Variants in RHPN2 observed in about 807,000 individuals in gnomAD.
RHPN2 encodes rhophilin Rho GTPase binding protein 2, also known as rhophilin-2.
RHPN2 carries 40 observed loss-of-function variants against 79.0 expected under a neutral mutation model. The ratio of observed to expected loss-of-function variants is 0.51; its 90% confidence interval spans 0.39 to 0.66. The LOEUF (loss-of-function observed/expected upper bound fraction) is 0.66. Among genes scored for constraint, RHPN2 ranks in the 30% least tolerant of loss-of-function variants. RHPN2 has a pLI of 0.00. For synonymous variants in RHPN2, 285 were observed against 363.5 expected, an observed-to-expected ratio of 0.78 and a Z score of 2.46; for missense variants, 686 against 883.5, an observed-to-expected ratio of 0.78 and a Z score of 2.83.
intron 12 of RHPN2, among the ~76,000 whole-genome samples, chr19:32,992,857 G>C (rs1317676472): frequency 6.6e-6 from 1 of 150,722 alleles, no homozygotes; most frequent in Admixed American, 6.6e-5. Flanking sequence ...GCCAGGCACA[G>C]TGGCTCATAC....
intron 7 of RHPN2, 151 bp downstream of exon 7, chr19:33,007,863 G>C (rs529086493): frequency 9.4e-6 from 8 of 854,288 alleles, no homozygotes; most frequent in Admixed American, 5.0e-5. Flanking sequence ...GCGCCCGGCC[G>C]GAGCAAGTTT....
In RHPN2 at chr19:32,979,977, AC is replaced by A. The variant is rs1420478047; in HGVS notation, c.*18del. 6.2e-7 allele frequency: 1 copy of A among 1,613,868 alleles called. No homozygotes were observed. The highest frequency in any genetic ancestry group is 8.5e-7 in the Non-Finnish European group (1 of 1,179,782). On this transcript the variant is annotated 3_prime_UTR_variant, in exon 15 of 15. Coordinates refer to ENST00000254260, the MANE Select transcript of RHPN2 (RefSeq NM_033103.5). The stretch of plus-strand genomic sequence containing the variant: ...AGCACCGGAAATGTTCAGGGCCTGA[AC>A]ATGTTTGTTTCCTCACATTAGTACC...
chr19:33,019,904 C>A (rs1971909655), intron 4 of RHPN2, among the ~76,000 whole-genome samples: 1 of 152,200 alleles, frequency 6.6e-6, no homozygotes, highest in Admixed American at 6.5e-5. Context: ...CATCCCCTTT[C>A]CCCTCCTTGA....
intron 1 of RHPN2, among the ~76,000 whole-genome samples, chr19:33,055,929 T>C (rs1230066700): frequency 1.3e-5 from 2 of 151,924 alleles, no homozygotes; most frequent in East Asian, 3.9e-4. Context: ...TAAATTCATT[T>C]TGGGGCATTA....
intron 3 of RHPN2, among the ~76,000 whole-genome samples, chr19:33,022,615 C>T (rs1971934018): frequency 1.3e-5 from 2 of 152,178 alleles, no homozygotes; most frequent in African/African-American, 4.8e-5. Flanking sequence ...AACCACAGGT[C>T]GCCTGGGGAG....
At chr19:32,987,075 G>A (rs1484236292) in intron 14 of RHPN2, among the ~76,000 whole-genome samples, 3 of 151,428 alleles carry the variant, frequency 2.0e-5, no homozygotes, top group Admixed American at 6.6e-5. Context: ...ACAAGGTCTC[G>A]CCATGTTGCC....
At chr19:33,011,578 G>T in intron 6 of RHPN2, 101 bp downstream of exon 6, 1 of 1,411,104 alleles carries the variant, frequency 7.1e-7, no homozygotes, top group Admixed American at 1.7e-5. Flanking sequence ...AGGGGGCTGA[G>T]GTGCACAGGG....
chr19:33,049,039 A>G (rs1372408344), intron 1 of RHPN2, among the ~76,000 whole-genome samples: 1 of 152,058 alleles, frequency 6.6e-6, no homozygotes, highest in Non-Finnish European at 1.5e-5. Flanking sequence ...GCCCATAGAT[A>G]TGTGGTCAGG....
At chr19:33,032,960 C>A (rs997035668) in intron 2 of RHPN2, among the ~76,000 whole-genome samples, 12 of 152,262 alleles carry the variant, frequency 7.9e-5, no homozygotes, top group Non-Finnish European at 1.0e-4. Context: ...CTCCTTTATT[C>A]TTCTTTCTCT....
intron 1 of RHPN2, 139 bp from the exon 2 acceptor site, chr19:33,044,503 T>C (rs1972126526): frequency 1.4e-6 from 1 of 709,306 alleles, no homozygotes; most frequent in Admixed American, 2.3e-5. Context: ...TATTGAAAAG[T>C]ATAAAGAAAA....
intron 11 of RHPN2, among the ~76,000 whole-genome samples, chr19:32,995,648 CA>C (rs1320941364): frequency 6.6e-6 from 1 of 152,096 alleles, no homozygotes; most frequent in Admixed American, 6.6e-5. Context: ...CACTTGAGGT[CA>C]GGAGTTCGAG....
At chr19:33,021,809 C>A (rs1337816699) in intron 3 of RHPN2, among the ~76,000 whole-genome samples, 163 bp from the exon 4 acceptor site, 1 of 152,084 alleles carries the variant, frequency 6.6e-6, no homozygotes, top group Non-Finnish European at 1.5e-5. Context: ...TGACTCTGGT[C>A]ATGCCCCACC....
chr19:33,063,697 C>T (rs1972300540), intron 1 of RHPN2, among the ~76,000 whole-genome samples: 1 of 152,110 alleles, frequency 6.6e-6, no homozygotes, highest in South Asian at 2.1e-4. Flanking sequence ...TATCCCAGGG[C>T]CCCTGCTCCA....
intron 2 of RHPN2, 109 bp from the exon 3 acceptor site, chr19:33,026,741 G>A: frequency 1.5e-6 from 2 of 1,340,456 alleles, no homozygotes; most frequent in Non-Finnish European, 2.1e-6. Flanking sequence ...ACAGCTTGCA[G>A]AGGAGGGCCA....
Position 33,011,799 on chromosome 19 carries a change from C to CA in RHPN2, c.472dup (p.Cys158LeufsTer5). 1 of 1,613,966 alleles carries CA rather than the reference C, an allele frequency of 6.2e-7. No homozygotes were observed. On this transcript the variant is annotated frameshift_variant, in exon 6 of 15. Coordinates refer to ENST00000254260, the MANE Select transcript of RHPN2 (RefSeq NM_033103.5). LOFTEE classifies it high-confidence loss of function. ...GGCCTCATCCCGGCTAGGCGTCCGACAAGCCTGCAAGGAAAAGAACCCAAG... is the reference window on the plus strand; with the variant it reads ...GGCCTCATCCCGGCTAGGCGTCCGACAAAGCCTGCAAGGAAAAGAACCCAAG...
At chr19:33,029,552 G>GAGT in intron 2 of RHPN2, among the ~76,000 whole-genome samples, 1 of 148,610 alleles carries the variant, frequency 6.7e-6, no homozygotes, top group African/African-American at 2.5e-5. Flanking sequence ...AAAAGAAGAA[G>GAGT]AGTCCAGGAA....
intron 14 of RHPN2, among the ~76,000 whole-genome samples, chr19:32,980,892 T>C (rs1217779680): frequency 3.3e-5 from 5 of 151,858 alleles, no homozygotes; most frequent in Non-Finnish European, 4.4e-5. Flanking sequence ...GGCTGGAGTG[T>C]AGTGGTACGA....
At chr19:32,988,184 T>C (rs1205658936) in intron 14 of RHPN2, among the ~76,000 whole-genome samples, 4 of 149,486 alleles carry the variant, frequency 2.7e-5, no homozygotes, top group African/African-American at 9.8e-5. Context: ...AGCAACAGAG[T>C]GAGACCCTGT....
At position 33,011,713 on chromosome 19, in the gene RHPN2, G is replaced by C; in HGVS notation, c.559C>G (p.Pro187Ala). The C allele has an allele frequency of 6.2e-7, 1 of 1,613,928 alleles. No homozygotes were observed. The highest frequency in any genetic ancestry group is 1.3e-5 in the African/African-American group (1 of 75,036). Reference sequence around the variant, plus strand: ...AGGAGTCCCATCTGCCGTGTGGGCGGGAAGAATCGACTCTCGACAAAGCCC... The same window carrying C: ...AGGAGTCCCATCTGCCGTGTGGGCGCGAAGAATCGACTCTCGACAAAGCCC... ...QLGFVESRFF[P>A]PTRQMGLLFT... The change falls in exon 6 of 15, where the codon CCG becomes GCG. Residue 187 changes from proline (P) to alanine (A), a missense_variant. Physicochemically the swap from Pro to Ala is conservative, Grantham distance 27. Transcript: ENST00000254260.
Sources: allele counts gnomAD v4.1 joint callset (sites outside exome capture counted in the v4.1 genomes callset), GRCh38; gene constraint gnomAD v4.1.1; transcripts MANE v1.5; gene names NCBI Gene and HGNC (gene_info 2026-07-23, HGNC 2026-07-21).